Variants in MUC5B observed in about 807,000 individuals in gnomAD.
The protein encoded by MUC5B is mucin-5B.
In MUC5B, 116 loss-of-function variants were observed where a neutral mutation model predicts 376.9. The ratio of observed to expected loss-of-function variants is 0.31; its 90% confidence interval spans 0.26 to 0.36. The LOEUF is 0.36. Among genes scored for constraint, MUC5B ranks in the 10% least tolerant of loss-of-function variants. MUC5B has a pLI of 1.00. For synonymous variants in MUC5B, 3,517 were observed against 3,390.9 expected, an observed-to-expected ratio of 1.04 and a Z score of -1.29; for missense variants, 7,165 against 7,769.9, an observed-to-expected ratio of 0.92 and a Z score of 2.93.
At chr11:1,228,079 G>C (rs1445729031) in intron 7 of MUC5B, among the ~76,000 whole-genome samples, 1 of 152,210 alleles carries the variant, frequency 6.6e-6, no homozygotes. Flanking sequence ...CCACCAGCAG[G>C]TGGACTCAGA....
At position 1,242,072 on chromosome 11, in the gene MUC5B, G is replaced by A; in HGVS notation, c.5192G>A (p.Gly1731Asp). The A allele has an allele frequency of 6.2e-7, 1 of 1,607,422 alleles. No homozygotes were observed. Among genetic ancestry groups the A allele is most frequent in the Non-Finnish European group, 8.5e-7 (1 of 1,177,352 alleles). The change falls in exon 31 of 49, where the codon GGC (glycine) becomes GAC (aspartate). Residue 1731 changes from glycine to aspartate, a missense_variant. Physicochemically the swap from Gly to Asp is moderately conservative, Grantham distance 94. Transcript: ENST00000529681. ...TMATSRARPTGTASTASKEPL... is the reference protein window; with the variant it reads ...TMATSRARPTDTASTASKEPL... ...GCAACCTCCAGAGCTCGCCCGACAG[G>A]CACAGCCAGCACCGCTTCCAAAGAG... is the stretch of plus-strand genomic sequence containing the variant.
Position 1,246,670 on chromosome 11 carries a change from A to G in MUC5B, c.9790A>G (p.Thr3264Ala), listed in dbSNP as rs1212654344. ...CACCACACCCACGGCCACCATGTCCACAGCCACACCCTCCTCTACTCCAGA... is the reference window on the plus strand; with the variant it reads ...CACCACACCCACGGCCACCATGTCCGCAGCCACACCCTCCTCTACTCCAGA... ...QTTTPTATMS[T>A]ATPSSTPETV... is the part of the protein sequence containing the mutation. Residue 3264 changes from threonine (T) to alanine (A), a missense_variant, in exon 31 of 49, where the codon ACA becomes GCA. By Grantham distance (58) the Thr-to-Ala change is moderately conservative. Around this residue, in one of 31 missense-constraint regions of MUC5B, gnomAD observed 939 missense variants for 770.6 expected, o/e 1.22. Transcript: ENST00000529681. 6.2e-7 allele frequency: 1 copy of G among 1,611,094 alleles called. No homozygotes were observed. The highest frequency in any genetic ancestry group is 1.7e-5 in the Admixed American group (1 of 59,938).
intron 24 of MUC5B, 133 bp from the exon 25 acceptor site, chr11:1,236,792 G>A: frequency 8.2e-7 from 1 of 1,220,608 alleles, no homozygotes; most frequent in Non-Finnish European, 1.1e-6. Context: ...AAGTTCACCA[G>A]GCACTGCCTG....
chr11:1,261,573 C>T lies in MUC5B; in HGVS notation c.17254C>T (p.Arg5752Cys). The change falls in exon 49 of 49, where the codon CGT becomes TGT. Residue 5752 changes from arginine (R) to cysteine (C), a missense_variant. Arg to Cys is a radical substitution (Grantham distance 180). Coordinates refer to ENST00000529681, the MANE Select transcript of MUC5B (RefSeq NM_002458.3). Reference protein sequence around the residue: ...VPAPMAPPHTRGFPAQEATAV With the variant: ...VPAPMAPPHTCGFPAQEATAV ...TGCGCCCATGGCTCCCCCACACACC[C>T]GTGGCTTCCCGGCCCAGGAGGCCAC... 7 of 1,607,610 alleles carry T rather than the reference C, an allele frequency of 4.4e-6. No homozygotes were observed. Among genetic ancestry groups the T allele is most frequent in the Non-Finnish European group, 5.9e-6 (7 of 1,178,088 alleles).
In MUC5B at chr11:1,252,688, GC is replaced by G. The variant is rs1238074486; in HGVS notation, c.15046-119del. ...GCCTAGGGGCCAGGCTAGCATGGGG[GC>G]CGCCCTCCTCAGGCAGGCTCTTGTG... On this transcript the variant is annotated intron_variant, in intron 32 of 48. Transcript: ENST00000529681. 7 of 1,414,196 alleles carry G rather than the reference GC, an allele frequency of 4.9e-6. No individual in the cohort carries two copies. The Admixed American group carries it at 1.5e-4, about 31-fold the overall frequency. 87.6% of individuals were successfully genotyped at this position (1,414,196 alleles called of 1,614,324 possible). A position where few individuals can be genotyped will look rare whatever the true frequency, so the allele number is the denominator to read the frequency against.
chr11:1,259,510 A>C (rs1862942529), intron 44 of MUC5B: 4 of 580,616 alleles, frequency 6.9e-6, no homozygotes, highest in Non-Finnish European at 9.2e-6. Context: ...CAGGACCTGC[A>C]GGCTGCTGGG....
At position 1,240,935 on chromosome 11, in the gene MUC5B, G is replaced by T. The variant is rs1374178437; in HGVS notation, c.4055G>T (p.Gly1352Val). 2.5e-6 allele frequency: 4 copies of T among 1,613,196 alleles called. No homozygotes were observed. Among genetic ancestry groups the T allele is most frequent in the Non-Finnish European group, 2.5e-6 (3 of 1,179,848 alleles). ...SWYNGHRPEP[G>V]LGGGDFETFE... ...TACAATGGGCACCGCCCAGAGCCCG[G>T]CCTGGGAGGCGGAGACTTTGAGACG... The change falls in exon 31 of 49, where the codon GGC (glycine) becomes GTC (valine). Residue 1352 changes from glycine (G) to valine (V), a missense_variant. Physicochemically the swap from Gly to Val is moderately radical, Grantham distance 109 (BLOSUM62 -3). Coordinates refer to ENST00000529681, the MANE Select transcript of MUC5B (RefSeq NM_002458.3).
Position 1,229,670 on chromosome 11 carries a change from C to T in MUC5B, c.1103-20C>T. 2 of 1,540,184 alleles carry T rather than the reference C, an allele frequency of 1.3e-6. No individual in the cohort carries two copies. The highest frequency in any genetic ancestry group is 8.7e-7 in the Non-Finnish European group (1 of 1,146,432). Reference sequence around the variant, plus strand: ...GTCCCCCGTGCATGGGCCGGCCCTGCCTCACGCCGCGCCCCACAGGCACGG... The same window carrying T: ...GTCCCCCGTGCATGGGCCGGCCCTGTCTCACGCCGCGCCCCACAGGCACGG... On this transcript the variant is annotated intron_variant, in intron 9 of 48. Coordinates refer to ENST00000529681, the MANE Select transcript of MUC5B (RefSeq NM_002458.3).
chr11:1,232,214 C>T lies in MUC5B; in HGVS notation c.1843+54C>T. ...CCCCAGGCTCAAGTCCCACCCAGCA[C>T]CTTCCTGTCCCCTGGGCCACGGGGA... On this transcript the variant is annotated intron_variant, in intron 15 of 48. Coordinates refer to ENST00000529681, the MANE Select transcript of MUC5B (RefSeq NM_002458.3). 7 of 1,513,168 alleles carry T rather than the reference C, an allele frequency of 4.6e-6. No individual in the cohort carries two copies. In the South Asian group the frequency reaches 9.2e-5, roughly 20 times the overall value. 93.7% of individuals were successfully genotyped at this position (1,513,168 alleles called of 1,614,324 possible).
In MUC5B at chr11:1,240,118, G is replaced by T. The variant is rs368074085; in HGVS notation, c.3772+30G>T. The T allele has an allele frequency of 7.0e-6, 11 of 1,562,936 alleles. No homozygotes were observed. The African/African-American group carries it at 1.5e-4, about 21-fold the overall frequency. ...GGAAGGGCCGGGGGGTTAGTGGGCC[G>T]GTGAAGGCTGGGGCCAGGGGCTCGG... is the stretch of plus-strand genomic sequence containing the variant. On this transcript the variant is annotated intron_variant, in intron 29 of 48. Transcript: ENST00000529681.
In MUC5B at chr11:1,246,017, G is replaced by A. The variant is rs1468789942; in HGVS notation, c.9137G>A (p.Arg3046Lys). The A allele has an allele frequency of 6.2e-7, 1 of 1,612,622 alleles. No homozygotes were observed. The highest frequency in any genetic ancestry group is 8.5e-7 in the Non-Finnish European group (1 of 1,179,550). The change falls in exon 31 of 49, where the codon AGG becomes AAG. Residue 3046 changes from arginine to lysine, a missense_variant. This residue lies in a region of MUC5B where 939 missense variants were observed against 770.6 expected (regional missense o/e 1.22). Transcript: ENST00000529681. ...AAAGCCACTTCCTCCTCCAGTCCAA[G>A]GACTGCAACCACCCTTCCAGTGCTG... Reference protein sequence around the residue: ...SSKATSSSSPRTATTLPVLTS... With the variant: ...SSKATSSSSPKTATTLPVLTS...
chr11:1,240,341 CT>C lies in MUC5B; in HGVS notation c.3938del (p.Phe1313SerfsTer52). On this transcript the variant is annotated frameshift_variant, in exon 30 of 49. Transcript: ENST00000529681. LOFTEE classifies it high-confidence loss of function. ...PGTPATTPFT[F>X]TTAWVPHSTT... Reference sequence around the variant, plus strand: ...GAACTCCAGCCACAACGCCATTCACCTTCACCACCGCCTGGGTCCCCCACTC... The same window carrying C: ...GAACTCCAGCCACAACGCCATTCACCTCACCACCGCCTGGGTCCCCCACTC... 1 of 1,607,816 alleles carries C rather than the reference CT, an allele frequency of 6.2e-7. No individual in the cohort carries two copies. The highest frequency in any genetic ancestry group is 1.1e-5 in the South Asian group (1 of 90,604).
At chr11:1,256,297 G>A in intron 38 of MUC5B, 72 bp downstream of exon 38, 1 of 702,440 alleles carries the variant, frequency 1.4e-6, no homozygotes. Context: ...AGCAGGAGGA[G>A]GCCAGAGGGT....
In MUC5B at chr11:1,256,209, G is replaced by T; in HGVS notation, c.16120G>T (p.Ala5374Ser). ...VYKPCGPIQP[A>S]TCNSRNQSPQ... Reference sequence around the variant, plus strand: ...CAAGCCATGCGGCCCCATACAGCCTGCCACCTGCAACTCTAGGTAAGTACA... The same window carrying T: ...CAAGCCATGCGGCCCCATACAGCCTTCCACCTGCAACTCTAGGTAAGTACA... The change falls in exon 38 of 49, where the codon GCC becomes TCC. Residue 5374 changes from alanine (A) to serine (S), a missense_variant. Around this residue, in one of 31 missense-constraint regions of MUC5B, gnomAD observed 842 missense variants for 1,016.9 expected, o/e 0.83. Transcript: ENST00000529681. 1.4e-6 allele frequency: 1 copy of T among 731,712 alleles called. No homozygotes were observed. The highest frequency in any genetic ancestry group is 1.7e-5 in the African/African-American group (1 of 57,686). 45.3% of individuals were successfully genotyped at this position (731,712 alleles called of 1,614,324 possible).
At chr11:1,224,837 T>A (rs1861846250) in intron 1 of MUC5B, among the ~76,000 whole-genome samples, 2 of 152,150 alleles carry the variant, frequency 1.3e-5, no homozygotes, top group African/African-American at 4.8e-5. Flanking sequence ...GGCCCCTCGC[T>A]GAGCCCTGAC....
intron 13 of MUC5B, 134 bp downstream of exon 13, chr11:1,231,139 C>T (rs893115131): frequency 3.4e-5 from 33 of 965,156 alleles, no homozygotes; most frequent in East Asian, 3.3e-4. Flanking sequence ...TCCCTGTGCT[C>T]GGTTTCTCGT....
In MUC5B at chr11:1,245,842, G is replaced by T. The variant is rs1395163674; in HGVS notation, c.8962G>T (p.Gly2988Trp). Reference sequence around the variant, plus strand: ...TACGGCCACGCCCTCCTCCACTCCAGGGACGACCTGGATCCTCACAGAGCA... The same window carrying T: ...TACGGCCACGCCCTCCTCCACTCCATGGACGACCTGGATCCTCACAGAGCA... ...SSTATPSSTPGTTWILTEQTT... is the reference protein window; with the variant it reads ...SSTATPSSTPWTTWILTEQTT... The change falls in exon 31 of 49, where the codon GGG becomes TGG. Residue 2988 changes from glycine to tryptophan, a missense_variant. This residue lies in a region of MUC5B where 939 missense variants were observed against 770.6 expected (regional missense o/e 1.22). Coordinates refer to ENST00000529681, the MANE Select transcript of MUC5B (RefSeq NM_002458.3). The T allele has an allele frequency of 1.9e-6, 3 of 1,613,510 alleles. No homozygotes were observed. Among genetic ancestry groups the T allele is most frequent in the Non-Finnish European group, 2.5e-6 (3 of 1,179,824 alleles).
At position 1,250,855 on chromosome 11, in the gene MUC5B, G is replaced by A. The variant is rs373632480; in HGVS notation, c.13975G>A (p.Val4659Met). Residue 4659 changes from valine to methionine, a missense_variant, in exon 31 of 49, where the codon GTG becomes ATG. Transcript: ENST00000529681. ...ARVLTTTTTT[V>M]ATGSMATPSS... ...AGTGCTGACCACCACCACCACAACT[G>A]TGGCCACTGGTTCTATGGCAACACC... 1 of 1,605,516 alleles carries A rather than the reference G, an allele frequency of 6.2e-7. No individual in the cohort carries two copies. The highest frequency in any genetic ancestry group is 2.3e-5 in the East Asian group (1 of 44,240).
rs1412473293 is a variant in MUC5B at position 1,235,331 on chromosome 11, G to A, written c.2798G>A (p.Gly933Glu). The A allele has an allele frequency of 6.2e-7, 1 of 1,612,922 alleles. No individual in the cohort carries two copies. The highest frequency in any genetic ancestry group is 2.2e-5 in the East Asian group (1 of 44,874). Reference sequence around the variant, plus strand: ...TACTGTGGGGACAACACCACCCACGGGACCTTCCGCATCGTCACCGAGAAC... The same window carrying A: ...TACTGTGGGGACAACACCACCCACGAGACCTTCCGCATCGTCACCGAGAAC... ...QDYCGDNTTH[G>E]TFRIVTENIP... The change falls in exon 23 of 49, where the codon GGG (glycine) becomes GAG (glutamate). Residue 933 changes from glycine (G) to glutamate (E), a missense_variant. Gly to Glu is a moderately conservative substitution (Grantham distance 98, BLOSUM62 -2). Around this residue, in one of 31 missense-constraint regions of MUC5B, gnomAD observed 530 missense variants for 604.0 expected, o/e 0.88. Coordinates refer to ENST00000529681, the MANE Select transcript of MUC5B (RefSeq NM_002458.3).
Sources: allele counts gnomAD v4.1 joint callset (sites outside exome capture counted in the v4.1 genomes callset), GRCh38; gene constraint gnomAD v4.1.1; regional missense constraint gnomAD v4.1.1; transcripts MANE v1.5; gene names NCBI Gene and HGNC (gene_info 2026-07-23, HGNC 2026-07-21).